Variants in CASK observed in about 807,000 individuals in gnomAD.
CASK encodes the protein peripheral plasma membrane protein CASK.
A neutral mutation model predicts 82.9 loss-of-function variants in CASK; 4 were observed. The ratio of observed to expected loss-of-function variants is 0.05; its 90% CI spans 0.02 to 0.11. The LOEUF is 0.11. Among genes scored for constraint, CASK ranks in the 10% least tolerant of loss-of-function variants. The probability of loss-of-function intolerance (pLI) is 1.00; values close to 1 mark genes in which losing one functional copy is unlikely to be tolerated. For missense variants in CASK, 358 were observed against 720.9 expected (o/e 0.50, Z 5.76); for synonymous variants, 259 against 253.5 (o/e 1.02, Z -0.20).
chrX:41,889,236 T>C (rs2072117852), intron 1 of CASK, among the ~76,000 whole-genome samples: 1 of 110,796 alleles, frequency 9.0e-6, no homozygotes, highest in South Asian at 3.8e-4. Context: ...CTGTTTTCCA[T>C]AGTGGTTGTA....
At chrX:41,746,487 C>T (rs952892018) in intron 3 of CASK, among the ~76,000 whole-genome samples, 4 of 111,026 alleles carry the variant, frequency 3.6e-5, no homozygotes, top group Non-Finnish European at 7.6e-5. Context: ...TGGTCCATAA[C>T]ATTTAGCACA....
intron 2 of CASK, among the ~76,000 whole-genome samples, chrX:41,796,558 G>A (rs1344797770): frequency 8.9e-6 from 1 of 111,916 alleles, no homozygotes; most frequent in Admixed American, 9.5e-5. Context: ...AAAACCTCAA[G>A]ATGACCATAG....
chrX:41,907,836 G>A (rs936671538), intron 1 of CASK, among the ~76,000 whole-genome samples: 40 of 111,315 alleles, frequency 3.6e-4, no homozygotes, highest in Non-Finnish European at 2.6e-4. Context: ...GTGGGGGTAG[G>A]GGGTTCGGGA....
At chrX:41,742,611 T>G (rs1290989128) in intron 4 of CASK, among the ~76,000 whole-genome samples, 1 of 111,913 alleles carries the variant, frequency 8.9e-6, no homozygotes, top group African/African-American at 3.2e-5. Flanking sequence ...CATTATCAAT[T>G]TGATTACTTG....
chrX:41,869,820 A>AAAAAAAAAAAAAAAAAAAAAAG (rs2071668958), intron 1 of CASK, among the ~76,000 whole-genome samples: 1 of 100,252 alleles, frequency 1.0e-5, no homozygotes, highest in Non-Finnish European at 2.0e-5. Context: ...CTCAAAAAAA[A>AAAAAAAAAAAAAAAAAAAAAAG]AAAAAAAAAA....
At chrX:41,595,218 T>C (rs2065803123) in intron 12 of CASK, among the ~76,000 whole-genome samples, 1 of 112,555 alleles carries the variant, frequency 8.9e-6, no homozygotes, top group East Asian at 2.8e-4. Flanking sequence ...AAACTTTCCC[T>C]CAAAATTAAG....
rs1226460985 is a variant in CASK, at chrX:41,516,120, C to T, written c.*4300G>A. The stretch of plus-strand genomic sequence containing the variant: ...AGATGGTGCGGCCCTCTTTCTACTT[C>T]TGTTTCTGTGGGCTCTGTCTGCCCA... On this transcript the variant is annotated 3_prime_UTR_variant, in exon 27 of 27. Coordinates refer to ENST00000378163, the MANE Select transcript of CASK (RefSeq NM_001367721.1). The T allele has an allele frequency of 8.9e-6, 1 of 112,634 alleles. No individual in the cohort carries two copies. Among genetic ancestry groups the T allele is most frequent in the East Asian group, 2.8e-4 (1 of 3,603 alleles). 9.3% of individuals were successfully genotyped at this position (112,634 alleles called of 1,213,427 possible).
chrX:41,885,236 C>G (rs2072027625), intron 1 of CASK, among the ~76,000 whole-genome samples: 1 of 111,901 alleles, frequency 8.9e-6, no homozygotes, highest in African/African-American at 3.2e-5. Flanking sequence ...CTCCAAGTCT[C>G]AACAGCTACA....
intron 8 of CASK, among the ~76,000 whole-genome samples, chrX:41,641,577 G>A (rs187030566): frequency 1.9e-4 from 21 of 111,428 alleles, no homozygotes; most frequent in African/African-American, 5.2e-4. Context: ...TGTTAAATAG[G>A]TATCATTTAA....
intron 2 of CASK, among the ~76,000 whole-genome samples, chrX:41,827,045 T>A (rs776527704): frequency 2.7e-5 from 3 of 112,162 alleles, no homozygotes; most frequent in African/African-American, 9.7e-5. Context: ...ATGTAATGCA[T>A]TTACTTTAAG....
chrX:41,544,219 T>C (rs2064987431), intron 21 of CASK, among the ~76,000 whole-genome samples: 1 of 112,596 alleles, frequency 8.9e-6, no homozygotes, highest in Non-Finnish European at 1.9e-5. Flanking sequence ...TTATTAGTTT[T>C]AATTTAGTCA....
intron 2 of CASK, among the ~76,000 whole-genome samples, chrX:41,830,671 T>A (rs1172961191): frequency 9.3e-6 from 1 of 107,278 alleles, no homozygotes; most frequent in Non-Finnish European, 1.9e-5. Flanking sequence ...ATACAAAAAA[T>A]TAGCCGGGCG....
chrX:41,594,680 C>T (rs1344838564), intron 12 of CASK, among the ~76,000 whole-genome samples: 2 of 111,964 alleles, frequency 1.8e-5, no homozygotes, highest in African/African-American at 3.3e-5. Context: ...GGAGACACTG[C>T]AGAAGGTAGC....
At chrX:41,690,819 G>A (rs1315731058) in intron 5 of CASK, among the ~76,000 whole-genome samples, 3 of 107,840 alleles carry the variant, frequency 2.8e-5, no homozygotes, top group East Asian at 2.9e-4. Context: ...GACTATAGGC[G>A]CACGTCACCA....
At chrX:41,744,878 A>T (rs2068660305) in intron 4 of CASK, among the ~76,000 whole-genome samples, 1 of 112,209 alleles carries the variant, frequency 8.9e-6, no homozygotes, top group African/African-American at 3.2e-5. Flanking sequence ...TTGCCAAAAC[A>T]AAAATAAAAA....
chrX:41,767,343 C>T (rs1416824390), intron 3 of CASK, among the ~76,000 whole-genome samples: 1 of 111,845 alleles, frequency 8.9e-6, no homozygotes, highest in East Asian at 2.8e-4. Flanking sequence ...GATTTTAGTA[C>T]ACGTGAGGTT....
chrX:41,663,364 A>T (rs1357872846), intron 7 of CASK, among the ~76,000 whole-genome samples: 1 of 111,539 alleles, frequency 9.0e-6, no homozygotes, highest in African/African-American at 3.3e-5. Context: ...AAGATAAATG[A>T]GAGGTGAGGT....
intron 5 of CASK, among the ~76,000 whole-genome samples, chrX:41,704,469 G>C (rs747987599): frequency 8.9e-6 from 1 of 112,199 alleles, no homozygotes; most frequent in East Asian, 2.8e-4. Context: ...CAACTTCAGA[G>C]ACAGAAAGTC....
intron 2 of CASK, among the ~76,000 whole-genome samples, chrX:41,819,619 T>A (rs5964055): frequency 0.19 from 21,164 of 110,590 alleles, 1,611 homozygotes; most frequent in Middle Eastern, 0.3. Flanking sequence ...TACTGATACC[T>A]AAGCCAGTAG....
Sources: allele counts gnomAD v4.1 joint callset (sites outside exome capture counted in the v4.1 genomes callset), GRCh38; gene constraint gnomAD v4.1.1; transcripts MANE v1.5; gene names NCBI Gene and HGNC (gene_info 2026-07-23, HGNC 2026-07-21).